Variants in DLGAP2 observed in about 807,000 individuals in gnomAD.
DLGAP2 encodes DLG associated protein 2.
A neutral mutation model predicts 100.3 loss-of-function variants in DLGAP2; 26 were observed. The observed-to-expected ratio is 0.26, with a 90% confidence interval of 0.19 to 0.36. The LOEUF (loss-of-function observed/expected upper bound fraction) is 0.36, where lower values mean the gene tolerates loss of function less well. Among genes scored for constraint, DLGAP2 ranks in the 10% least tolerant of loss-of-function variants. The probability of loss-of-function intolerance (pLI) is 1.00; values close to 1 mark genes in which losing one functional copy is unlikely to be tolerated. For synonymous variants in DLGAP2, 886 were observed against 630.1 expected, an observed-to-expected ratio of 1.41 and a Z score of -6.08; for missense variants, 1,858 against 1,453.2, an observed-to-expected ratio of 1.28 and a Z score of -4.53.
intron 3 of DLGAP2, among the ~76,000 whole-genome samples, chr8:1,446,400 G>A (rs1400584872): frequency 6.6e-6 from 1 of 152,160 alleles, no homozygotes; most frequent in Admixed American, 6.5e-5. Context: ...TCAGATGGTT[G>A]TAGATATGTG....
chr8:1,606,291 A>G (rs190867610), intron 6 of DLGAP2, among the ~76,000 whole-genome samples: 22 of 151,852 alleles, frequency 1.4e-4, no homozygotes, highest in African/African-American at 5.1e-4. Flanking sequence ...CAATTCATCC[A>G]CTTGAAGTAC....
At chr8:1,235,378 C>T (rs2116843288) in intron 2 of DLGAP2, among the ~76,000 whole-genome samples, 1 of 151,660 alleles carries the variant, frequency 6.6e-6, no homozygotes, top group African/African-American at 2.4e-5. Flanking sequence ...CTAGTTCCCT[C>T]ACACATGGCG....
At chr8:1,115,838 C>A (rs1396781038) in intron 2 of DLGAP2, among the ~76,000 whole-genome samples, 1 of 152,206 alleles carries the variant, frequency 6.6e-6, no homozygotes, top group Non-Finnish European at 1.5e-5. Context: ...GGCTCTTCTT[C>A]TAGTCAGTCA....
At chr8:1,480,943 C>G (rs1007502653) in intron 3 of DLGAP2, among the ~76,000 whole-genome samples, 11 of 151,866 alleles carry the variant, frequency 7.2e-5, no homozygotes, top group Non-Finnish European at 2.9e-5. Context: ...GAGGCCGAGG[C>G]GGGCAGATCA....
intron 2 of DLGAP2, among the ~76,000 whole-genome samples, chr8:1,206,338 T>C (rs6995870): frequency 0.1 from 3,970 of 39,314 alleles, 767 homozygotes; most frequent in African/African-American, 0.4. Context: ...AGACTGTGAA[T>C]GGTTAATCTC....
At chr8:1,316,593 C>A (rs71516182) in intron 3 of DLGAP2, among the ~76,000 whole-genome samples, 283 of 69,606 alleles carry the variant, frequency 4.1e-3, no homozygotes, top group Middle Eastern at 0.032. Flanking sequence ...ACACTCGAGA[C>A]ACTCGGCAGC....
At chr8:1,172,677 G>A (rs1054753033) in intron 2 of DLGAP2, among the ~76,000 whole-genome samples, 36 of 151,904 alleles carry the variant, frequency 2.4e-4, no homozygotes, top group East Asian at 7.7e-4. Context: ...TGATCACATC[G>A]GCTCCTGGGG....
intron 3 of DLGAP2, among the ~76,000 whole-genome samples, chr8:1,315,147 T>C (rs1800702871): frequency 6.6e-6 from 1 of 152,238 alleles, no homozygotes; most frequent in Admixed American, 6.5e-5. Context: ...TAAAGCTTCC[T>C]GGAGAAAGTC....
chr8:895,039 C>T (rs375468541), intron 1 of DLGAP2, among the ~76,000 whole-genome samples: 157 of 54,920 alleles, frequency 2.9e-3, no homozygotes, highest in African/African-American at 9.7e-3. Context: ...TGGTGGCTGG[C>T]AGGGCTGGGG....
intron 3 of DLGAP2, among the ~76,000 whole-genome samples, chr8:1,335,986 C>T (rs146286300): frequency 7.2e-5 from 11 of 152,140 alleles, no homozygotes; most frequent in African/African-American, 1.4e-4. Context: ...GTGCTTTTTC[C>T]GGTAAAGAGC....
intron 2 of DLGAP2, among the ~76,000 whole-genome samples, chr8:1,042,708 G>T (rs557925493): frequency 1.5e-4 from 22 of 151,412 alleles, no homozygotes; most frequent in Non-Finnish European, 5.9e-5. Flanking sequence ...GATGTCGGTG[G>T]TGGGTGTGGG....
intron 3 of DLGAP2, among the ~76,000 whole-genome samples, chr8:1,290,143 A>G (rs1404405071): frequency 2.0e-5 from 3 of 152,224 alleles, no homozygotes; most frequent in Non-Finnish European, 2.9e-5. Flanking sequence ...ACTCTATTAC[A>G]TAACGTGTGA....
chr8:1,289,862 CT>C lies in DLGAP2; in HGVS notation c.106+30982del, dbSNP rs112191664. Among the ~76,000 whole-genome samples, 729 of 152,294 alleles carry C rather than the reference CT, an allele frequency of 4.8e-3. 6 individuals carry two copies. Among genetic ancestry groups the C allele is most frequent in the African/African-American group, 0.017 (687 of 41,554 alleles). On this transcript the variant is annotated intron_variant, in intron 3 of 14. Coordinates refer to ENST00000637795, the MANE Select transcript of DLGAP2 (RefSeq NM_001346810.2). ...CAGCAGTGATGGGAATTTAGAGAAT[CT>C]TTCCTAAGATATTTAAGATGATTTG... is the stretch of plus-strand genomic sequence containing the variant.
At chr8:915,526 G>A (rs939116207) in intron 2 of DLGAP2, among the ~76,000 whole-genome samples, 4 of 149,750 alleles carry the variant, frequency 2.7e-5, no homozygotes, top group South Asian at 2.1e-4. Flanking sequence ...CAGCCTGGGC[G>A]ACAGAGCAAG....
At chr8:1,491,690 G>T (rs543920734) in intron 3 of DLGAP2, among the ~76,000 whole-genome samples, 1 of 152,168 alleles carries the variant, frequency 6.6e-6, no homozygotes, top group Admixed American at 6.5e-5. Context: ...CTTTTCATGC[G>T]AACAATGTTC....
rs1232414945 is a variant in DLGAP2, at chr8:1,632,935, A to G, written c.1699A>G (p.Thr567Ala). ...DALDLPGCFR[T>A]RSHSYLRAIQ... Reference sequence around the variant, plus strand: ...CCTCGACCTCCCGGGATGTTTCCGAACAAGGAGTCACAGCTACCTTCGAGC... The same window carrying G: ...CCTCGACCTCCCGGGATGTTTCCGAGCAAGGAGTCACAGCTACCTTCGAGC... Residue 567 changes from threonine (T) to alanine (A), a missense_variant, in exon 8 of 15, where the codon ACA (threonine) becomes GCA (alanine). Transcript: ENST00000637795. 2 of 1,613,990 alleles carry G rather than the reference A, an allele frequency of 1.2e-6. No individual in the cohort carries two copies. The highest frequency in any genetic ancestry group is 1.7e-6 in the Non-Finnish European group (2 of 1,179,884).
At chr8:1,509,648 G>A (rs769863439) in intron 4 of DLGAP2, among the ~76,000 whole-genome samples, 3 of 151,990 alleles carry the variant, frequency 2.0e-5, no homozygotes, top group Non-Finnish European at 4.4e-5. Flanking sequence ...ACATACACTG[G>A]AACTTGAGCA....
chr8:1,361,113 A>C (rs1801973485), intron 3 of DLGAP2, among the ~76,000 whole-genome samples: 1 of 152,144 alleles, frequency 6.6e-6, no homozygotes, highest in Non-Finnish European at 1.5e-5. Context: ...GGTGCAGACG[A>C]GCTGAGATGG....
At chr8:741,454 T>G (rs1820482975) in intron 1 of DLGAP2, among the ~76,000 whole-genome samples, 1 of 152,204 alleles carries the variant, frequency 6.6e-6, no homozygotes. Context: ...TCATGGGCCT[T>G]GACATGCAGT....
Sources: gnomAD v4.1 joint callset for allele counts (sites outside exome capture counted in the v4.1 genomes callset) on GRCh38, gnomAD v4.1.1 for gene constraint, MANE v1.5 for transcripts, NCBI Gene and HGNC (gene_info 2026-07-23, HGNC 2026-07-21) for gene names.